TBCD: variants seen among roughly 807,000 people sequenced by gnomAD.
The protein encoded by TBCD is tubulin-specific chaperone D.
In TBCD, 105 loss-of-function variants were observed where a neutral mutation model predicts 169.3. The observed-to-expected ratio is 0.62, with a 90% CI of 0.53 to 0.73. The LOEUF is 0.73. Ranked by LOEUF, TBCD falls within the 30% of genes least tolerant of loss-of-function variation. The probability of loss-of-function intolerance (pLI) is 0.00; values close to 1 mark genes in which losing one functional copy is unlikely to be tolerated. For missense variants in TBCD, 1,444 were observed against 1,600.1 expected, an observed-to-expected ratio of 0.90 and a Z score of 1.66; for synonymous variants, 700 against 643.9, an observed-to-expected ratio of 1.09 and a Z score of -1.32.
chr17:82,773,334 G>A (rs2048397662), intron 6 of TBCD, among the ~76,000 whole-genome samples: 1 of 152,210 alleles, frequency 6.6e-6, no homozygotes, highest in East Asian at 1.9e-4. Context: ...TGAGGGGTTT[G>A]TGACAGCCTG....
At chr17:82,908,940 T>G (rs1246855675) in intron 21 of TBCD, among the ~76,000 whole-genome samples, 1 of 152,252 alleles carries the variant, frequency 6.6e-6, no homozygotes, top group Admixed American at 6.5e-5. Flanking sequence ...AACATCAGCA[T>G]CCTGTTTGGC....
At chr17:82,900,503 A>G (rs2059814506) in intron 17 of TBCD, 148 bp from the exon 18 acceptor site, 2 of 635,732 alleles carry the variant, frequency 3.1e-6, no homozygotes, top group Non-Finnish European at 2.8e-6. Flanking sequence ...CTTTTGGGTA[A>G]CTGCTCAGGA....
intron 37 of TBCD, 50 bp downstream of exon 37, chr17:82,939,526 C>T (rs747851107): frequency 1.4e-6 from 2 of 1,423,342 alleles, no homozygotes; most frequent in Non-Finnish European, 2.0e-6. Context: ...CACCGCCCCT[C>T]TTCCTGTCCC....
chr17:82,894,011 C>T (rs1218990317), intron 17 of TBCD, among the ~76,000 whole-genome samples: 5 of 152,218 alleles, frequency 3.3e-5, no homozygotes, highest in Non-Finnish European at 7.3e-5. Context: ...ACGGCCACAC[C>T]TCCTCCTGAT....
chr17:82,900,824 T>C, intron 18 of TBCD, 93 bp downstream of exon 18: 1 of 914,602 alleles, frequency 1.1e-6, no homozygotes, highest in Non-Finnish European at 1.8e-6. Flanking sequence ...ATTTTCTCAC[T>C]GTGGATGTCG....
intron 2 of TBCD, among the ~76,000 whole-genome samples, chr17:82,763,461 C>G (rs2047869089): frequency 1.3e-5 from 2 of 152,100 alleles, no homozygotes; most frequent in African/African-American, 2.4e-5. Context: ...GGTTTTGGGC[C>G]AGGTGCGGTG....
intron 6 of TBCD, among the ~76,000 whole-genome samples, chr17:82,775,944 C>T (rs1380259893): frequency 1.3e-5 from 2 of 152,074 alleles, no homozygotes; most frequent in East Asian, 1.9e-4. Context: ...TCGCCAGGCA[C>T]GGTGGCTCAT....
chr17:82,929,492 G>A lies in TBCD; in HGVS notation c.2983G>A (p.Glu995Lys). Residue 995 changes from glutamate to lysine, a missense_variant, in exon 32 of 39, where the codon GAG (glutamate) becomes AAG (lysine). Coordinates refer to ENST00000355528, the MANE Select transcript of TBCD (RefSeq NM_005993.5). Reference sequence around the variant, plus strand: ...AGTCGTGTCCCTGGGCGGCTTGACGGAGTCGACGGTGAGGAGGCGTCGGGC... The same window carrying A: ...AGTCGTGTCCCTGGGCGGCTTGACGAAGTCGACGGTGAGGAGGCGTCGGGC... ...GLVVSLGGLTESTIRHSTQSL... is the reference protein window; with the variant it reads ...GLVVSLGGLTKSTIRHSTQSL... 6.2e-7 allele frequency: 1 copy of A among 1,606,432 alleles called. No individual in the cohort carries two copies. Among genetic ancestry groups the A allele is most frequent in the Non-Finnish European group, 8.5e-7 (1 of 1,179,850 alleles).
At chr17:82,909,417 G>A (rs1382903162) in intron 22 of TBCD, 110 bp downstream of exon 22, 4 of 819,388 alleles carry the variant, frequency 4.9e-6, no homozygotes, top group Non-Finnish European at 7.8e-6. Flanking sequence ...ATGTGTGTTT[G>A]GGTTGAGCGG....
chr17:82,839,528 T>C (rs1345331380), intron 13 of TBCD, among the ~76,000 whole-genome samples: 2 of 152,206 alleles, frequency 1.3e-5, no homozygotes, highest in Non-Finnish European at 2.9e-5. Context: ...ACCACACATA[T>C]AACCCTAAAT....
Position 82,833,468 on chromosome 17 carries a change from A to C in TBCD, c.1318+18534A>C, listed in dbSNP as rs1407872076. 6.6e-6 allele frequency among the ~76,000 whole-genome samples: 1 copy of C among 152,194 alleles called. No individual in the cohort carries two copies. Among genetic ancestry groups the C allele is most frequent in the Non-Finnish European group, 1.5e-5 (1 of 68,030 alleles). On this transcript the variant is annotated intron_variant, in intron 13 of 38. Coordinates refer to ENST00000355528, the MANE Select transcript of TBCD (RefSeq NM_005993.5). This position sits in a 1 kb window ranked among gnomAD's most constrained non-coding sequence, Gnocchi z 4.7. ...TCAGCTTTATCATTAAGTAGCATTT[A>C]TGTTGTCTCAGATATGAATACAAAT...
Position 82,831,518 on chromosome 17 carries a change from A to G in TBCD, c.1318+16584A>G. 1 of 1,614,090 alleles carries G rather than the reference A, an allele frequency of 6.2e-7. No individual in the cohort carries two copies. The highest frequency in any genetic ancestry group is 8.5e-7 in the Non-Finnish European group (1 of 1,180,018). ...AATCCGTAAGGAATCGGCAGGTTAG[A>G]GGGATATTGCTGGAAAAACCTGTAG... On this transcript the variant is annotated intron_variant, in intron 13 of 38. Transcript: ENST00000355528. The surrounding 1 kb of genome is among the most constrained non-coding windows in gnomAD (Gnocchi z 4.6).
chr17:82,937,167 T>C, intron 34 of TBCD, 104 bp from the exon 35 acceptor site: 1 of 1,027,984 alleles, frequency 9.7e-7, no homozygotes, highest in Non-Finnish European at 1.5e-6. Flanking sequence ...CTTCTTGGAC[T>C]GAGCCACTGG....
chr17:82,864,988 A>G lies in TBCD; in HGVS notation c.1319-5236A>G, dbSNP rs8067902. Among the ~76,000 whole-genome samples the G allele has an allele frequency of 0.99, 151,238 of 152,186 alleles. 75,155 individuals are homozygous for G. Among genetic ancestry groups the G allele is most frequent in the South Asian group, 1 (4,826 of 4,826 alleles). On this transcript the variant is annotated intron_variant, in intron 13 of 38. Coordinates refer to ENST00000355528, the MANE Select transcript of TBCD (RefSeq NM_005993.5). The surrounding 1 kb of genome is among the most constrained non-coding windows in gnomAD (Gnocchi z 6.3). ...CGAGCACCAAGTCTGTGCTTGCCCC[A>G]CTGTGCAGCGTTGCAGGTGCAGCAG... is the stretch of plus-strand genomic sequence containing the variant.
At chr17:82,804,856 C>T (rs1019361860) in intron 9 of TBCD, among the ~76,000 whole-genome samples, 2 of 152,344 alleles carry the variant, frequency 1.3e-5, no homozygotes, top group Admixed American at 1.3e-4. Context: ...TCCTTGTTTC[C>T]TAGACTTGGA....
At chr17:82,851,953 G>A (rs1282138103) in intron 13 of TBCD, among the ~76,000 whole-genome samples, 1 of 152,184 alleles carries the variant, frequency 6.6e-6, no homozygotes, top group Admixed American at 6.5e-5. Context: ...CTTGTAAGCG[G>A]GAACGATTAC....
chr17:82,829,828 A>G (rs940280436), intron 13 of TBCD: 5 of 356,576 alleles, frequency 1.4e-5, no homozygotes, highest in Non-Finnish European at 2.6e-5. Context: ...AATTTGTTGT[A>G]ATGGTGAGAT....
intron 14 of TBCD, among the ~76,000 whole-genome samples, chr17:82,872,845 A>G (rs1207428265): frequency 6.6e-6 from 1 of 151,980 alleles, no homozygotes; most frequent in African/African-American, 2.4e-5. Context: ...CAGGCCCATC[A>G]CCTGGTGGCC....
chr17:82,939,633 C>G (rs901716978), intron 37 of TBCD, among the ~76,000 whole-genome samples, 157 bp downstream of exon 37: 1 of 152,202 alleles, frequency 6.6e-6, no homozygotes, highest in African/African-American at 2.4e-5. Flanking sequence ...ACAAGGCAGC[C>G]GTGCTGCTGT....
Sources: allele counts gnomAD v4.1 joint callset (sites outside exome capture counted in the v4.1 genomes callset), GRCh38; gene constraint gnomAD v4.1.1; non-coding constraint Gnocchi (gnomAD v3.1); transcripts MANE v1.5; gene names NCBI Gene and HGNC (gene_info 2026-07-23, HGNC 2026-07-21).